The following TTC7B variants were observed in gnomAD, a reference collection of about 807,000 sequenced individuals.
TTC7B encodes tetratricopeptide repeat domain 7B, also known as tetratricopeptide repeat protein 7B.
A neutral mutation model predicts 106.8 loss-of-function variants in TTC7B; 28 were observed. The observed-to-expected ratio is 0.26, with a 90% CI of 0.19 to 0.36. The LOEUF is 0.36. Among genes scored for constraint, TTC7B ranks in the 10% least tolerant of loss-of-function variants. The pLI, the probability that TTC7B is intolerant of heterozygous loss-of-function variation, is 1.00. For synonymous variants in TTC7B, 405 were observed against 430.6 expected, an observed-to-expected ratio of 0.94 and a Z score of 0.74; for missense variants, 862 against 1,076.4, an observed-to-expected ratio of 0.80 and a Z score of 2.79.
At chr14:90,549,093 A>C (rs1889962154) in intron 19 of TTC7B, among the ~76,000 whole-genome samples, 1 of 150,852 alleles carries the variant, frequency 6.6e-6, no homozygotes, top group Admixed American at 6.6e-5. Context: ...ACACCACCGC[A>C]CTACAGCCTG....
At chr14:90,743,382 C>T (rs1055473282) in intron 4 of TTC7B, among the ~76,000 whole-genome samples, 6 of 152,164 alleles carry the variant, frequency 3.9e-5, no homozygotes, top group African/African-American at 1.4e-4. Flanking sequence ...AAAGTTACTT[C>T]CTGTCTGTTC....
At chr14:90,776,848 G>C (rs1275791867) in intron 3 of TTC7B, among the ~76,000 whole-genome samples, 1 of 152,160 alleles carries the variant, frequency 6.6e-6, no homozygotes, top group African/African-American at 2.4e-5. Flanking sequence ...CTAGCTGTAG[G>C]ACCCTGGGCA....
chr14:90,740,423 C>T (rs940790991), intron 4 of TTC7B, among the ~76,000 whole-genome samples: 3 of 150,444 alleles, frequency 2.0e-5, no homozygotes, highest in Non-Finnish European at 4.4e-5. Context: ...CCACTGGCTT[C>T]AGCACAAGAA....
At chr14:90,629,150 C>T (rs1884578883) in intron 15 of TTC7B, among the ~76,000 whole-genome samples, 1 of 152,254 alleles carries the variant, frequency 6.6e-6, no homozygotes, top group African/African-American at 2.4e-5. Flanking sequence ...CTTATCAATT[C>T]TCCCCAGTTG....
At chr14:90,739,589 G>A (rs1222948845) in intron 4 of TTC7B, among the ~76,000 whole-genome samples, 1 of 152,246 alleles carries the variant, frequency 6.6e-6, no homozygotes, top group African/African-American at 2.4e-5. Context: ...GGAAGTCTAG[G>A]TGGGGCACTG....
chr14:90,802,418 G>A lies in TTC7B; in HGVS notation c.121+13757C>T, dbSNP rs542729480. On this transcript the variant is annotated intron_variant, in intron 1 of 19. Transcript: ENST00000328459. The surrounding 1 kb of genome is among the most constrained non-coding windows in gnomAD (Gnocchi z 4.7). ...AGAACGGAAGGGATTCTGAGCACAG[G>A]TGAAGGAGCCGCTGGCCTCTGAAGG... Among the ~76,000 whole-genome samples, 1 of 152,192 alleles carries A rather than the reference G, an allele frequency of 6.6e-6. No homozygotes were observed. The highest frequency in any genetic ancestry group is 1.5e-5 in the Non-Finnish European group (1 of 68,038).
chr14:90,668,353 C>G (rs1350571674), intron 9 of TTC7B, among the ~76,000 whole-genome samples: 2 of 152,096 alleles, frequency 1.3e-5, no homozygotes, highest in East Asian at 3.9e-4. Context: ...CTCAGAGTAG[C>G]CAAGTATATT....
intron 2 of TTC7B, among the ~76,000 whole-genome samples, chr14:90,785,967 G>T (rs1257604513): frequency 2.0e-5 from 3 of 152,200 alleles, no homozygotes; most frequent in African/African-American, 7.2e-5. Flanking sequence ...TCATCAGAGA[G>T]ACCCTATTGG....
At chr14:90,682,171 T>G (rs2076193523) in intron 7 of TTC7B, among the ~76,000 whole-genome samples, 1 of 152,174 alleles carries the variant, frequency 6.6e-6, no homozygotes, top group African/African-American at 2.4e-5. Context: ...CCAGACCAAT[T>G]GAAAAGACAG....
chr14:90,575,043 C>T lies in TTC7B; in HGVS notation c.2310+3063G>A, dbSNP rs566108528. On this transcript the variant is annotated intron_variant, in intron 19 of 19. Coordinates refer to ENST00000328459, the MANE Select transcript of TTC7B (RefSeq NM_001010854.2). The surrounding 1 kb of genome is among the most constrained non-coding windows in gnomAD (Gnocchi z 5.2). ...TCCCTGTGTGCCAGGCAACTGTCAA[C>T]GCTCAGCTCTGTTTCCGCCACTCTC... is the stretch of plus-strand genomic sequence containing the variant. Among the ~76,000 whole-genome samples, 7 of 152,310 alleles carry T rather than the reference C, an allele frequency of 4.6e-5. No individual in the cohort carries two copies. Among genetic ancestry groups the T allele is most frequent in the African/African-American group, 1.2e-4 (5 of 41,568 alleles).
intron 3 of TTC7B, among the ~76,000 whole-genome samples, chr14:90,765,827 C>CCT (rs1286419500): frequency 6.6e-6 from 1 of 152,168 alleles, no homozygotes; most frequent in Non-Finnish European, 1.5e-5. Context: ...CACAGGGGTG[C>CCT]AGAAAAGAGG....
At chr14:90,630,735 C>T (rs1884660115) in intron 15 of TTC7B, among the ~76,000 whole-genome samples, 1 of 152,170 alleles carries the variant, frequency 6.6e-6, no homozygotes, top group Non-Finnish European at 1.5e-5. Flanking sequence ...TAGAGTCACA[C>T]ATTATTTGTC....
Position 90,577,400 on chromosome 14 carries a change from C to T in TTC7B, c.2310+706G>A, listed in dbSNP as rs7152651. Among the ~76,000 whole-genome samples, 5,251 of 152,292 alleles carry T rather than the reference C, an allele frequency of 0.034. 276 individuals are homozygous for T. The highest frequency in any genetic ancestry group is 0.12 in the African/African-American group (4,879 of 41,552). On this transcript the variant is annotated intron_variant, in intron 19 of 19. Coordinates refer to ENST00000328459, the MANE Select transcript of TTC7B (RefSeq NM_001010854.2). This position sits in a 1 kb window ranked among gnomAD's most constrained non-coding sequence, Gnocchi z 5.0. ...AGCAGTGTCCCCACCTAACTGAAAC[C>T]GACACGGCCAGGTGGCCGGCTCCAG...
chr14:90,558,788 C>T (rs145423047), intron 19 of TTC7B, among the ~76,000 whole-genome samples: 187 of 152,322 alleles, frequency 1.2e-3, no homozygotes, highest in African/African-American at 4.3e-3. Flanking sequence ...AAAACAGAAA[C>T]GGGCGGCTTG....
rs1892733572 is a variant in TTC7B, at chr14:90,608,353, T to C, written c.1966+2389A>G. 6.6e-6 allele frequency among the ~76,000 whole-genome samples: 1 copy of C among 152,152 alleles called. No homozygotes were observed. Among genetic ancestry groups the C allele is most frequent in the Admixed American group, 6.5e-5 (1 of 15,284 alleles). ...TGGTCTCTTGGTTAAATTGTCGGCG[T>C]GCAAATCAGTATTTTGCAGCTGCCT... On this transcript the variant is annotated intron_variant, in intron 17 of 19. Transcript: ENST00000328459. The surrounding 1 kb of genome is among the most constrained non-coding windows in gnomAD (Gnocchi z 5.1).
intron 1 of TTC7B, among the ~76,000 whole-genome samples, chr14:90,812,689 G>T (rs1311814671): frequency 6.6e-6 from 1 of 151,854 alleles, no homozygotes; most frequent in East Asian, 1.9e-4. Context: ...CTGGTGCACA[G>T]CTAGGTTCCA....
intron 4 of TTC7B, among the ~76,000 whole-genome samples, chr14:90,735,537 C>G (rs1181927276): frequency 1.3e-5 from 2 of 150,884 alleles, no homozygotes; most frequent in African/African-American, 2.4e-5. Flanking sequence ...ATTCATAAAG[C>G]AATAAAAATA....
chr14:90,716,443 A>G (rs761944405), intron 5 of TTC7B, among the ~76,000 whole-genome samples: 4 of 152,238 alleles, frequency 2.6e-5, no homozygotes, highest in Non-Finnish European at 5.9e-5. Context: ...AAGTGTGGCT[A>G]AAGTTTGGCC....
intron 3 of TTC7B, among the ~76,000 whole-genome samples, chr14:90,777,883 G>A (rs927423763): frequency 3.3e-5 from 5 of 152,192 alleles, no homozygotes; most frequent in African/African-American, 1.2e-4. Flanking sequence ...TTTACGTTGC[G>A]CTCACTATGT....
Sources: gnomAD v4.1 joint callset for allele counts (sites outside exome capture counted in the v4.1 genomes callset) on GRCh38, gnomAD v4.1.1 for gene constraint, Gnocchi (gnomAD v3.1) non-coding constraint, MANE v1.5 for transcripts, NCBI Gene and HGNC (gene_info 2026-07-23, HGNC 2026-07-21) for gene names.